ABCC8: variants seen among roughly 807,000 people sequenced by gnomAD.
ABCC8 encodes the protein ATP-binding cassette sub-family C member 8.
In ABCC8, 137 loss-of-function variants were observed where a neutral mutation model predicts 188.0. That is an observed-to-expected ratio of 0.73 (90% CI 0.63 to 0.84). The LOEUF (loss-of-function observed/expected upper bound fraction) is 0.84, where lower values mean the gene tolerates loss of function less well. Ranked by LOEUF, ABCC8 falls within the 40% of genes least tolerant of loss-of-function variation. ABCC8 has a pLI of 0.00. For synonymous variants in ABCC8, 797 were observed against 846.5 expected (o/e 0.94, Z 1.01); for missense variants, 1,750 against 2,072.7 (o/e 0.84, Z 3.02).
At position 17,432,184 on chromosome 11, in the gene ABCC8, T is replaced by C. The variant is rs1955879275; in HGVS notation, c.1671+20A>G. 2 of 1,551,556 alleles carry C rather than the reference T, an allele frequency of 1.3e-6. No individual in the cohort carries two copies. The highest frequency in any genetic ancestry group is 1.7e-6 in the Non-Finnish European group (2 of 1,146,952). On this transcript the variant is annotated intron_variant, in intron 11 of 38. Transcript: ENST00000389817. ...CCCCCTCCACCCTACCCCCAAGAGATGGAGAAAGGATCCACTTACTATGAG... is the reference window on the plus strand; with the variant it reads ...CCCCCTCCACCCTACCCCCAAGAGACGGAGAAAGGATCCACTTACTATGAG...
At chr11:17,426,266 C>A (rs1052756155) in intron 16 of ABCC8, among the ~76,000 whole-genome samples, 2 of 152,206 alleles carry the variant, frequency 1.3e-5, no homozygotes, top group Non-Finnish European at 2.9e-5. Flanking sequence ...ACCGCACTGT[C>A]TTCCACAATG....
chr11:17,417,046 G>A (rs1474039939), intron 16 of ABCC8, 84 bp from the exon 17 acceptor site: 11 of 1,598,864 alleles, frequency 6.9e-6, no homozygotes, highest in Admixed American at 1.7e-5. Flanking sequence ...TAGGGGAGAA[G>A]CAATCCCCAC....
chr11:17,410,790 CA>C, intron 21 of ABCC8, 137 bp from the exon 22 acceptor site: 1 of 1,381,930 alleles, frequency 7.2e-7, no homozygotes, highest in Non-Finnish European at 9.9e-7. Context: ...TGGCTTTGGA[CA>C]ACTCACCCAA....
At chr11:17,452,659 C>T (rs916593130) in intron 7 of ABCC8, among the ~76,000 whole-genome samples, 2 of 152,196 alleles carry the variant, frequency 1.3e-5, no homozygotes, top group African/African-American at 4.8e-5. Context: ...GACCAATACC[C>T]CATCTTAGAG....
At chr11:17,451,390 T>G (rs1025127224) in intron 7 of ABCC8, among the ~76,000 whole-genome samples, 3 of 152,228 alleles carry the variant, frequency 2.0e-5, no homozygotes, top group African/African-American at 7.2e-5. Context: ...ATGACATCCC[T>G]GAGGAAATAC....
chr11:17,426,959 C>A, intron 16 of ABCC8, 90 bp downstream of exon 16: 1 of 1,438,582 alleles, frequency 7.0e-7, no homozygotes, highest in Non-Finnish European at 9.5e-7. Flanking sequence ...ACAGAGTGGG[C>A]CCTCCAATAA....
intron 12 of ABCC8, chr11:17,430,562 TA>T (rs1955799996): frequency 7.7e-6 from 4 of 519,454 alleles, no homozygotes; most frequent in African/African-American, 1.9e-5. Context: ...TTTTTTTTTT[TA>T]AGTTGTCGTG....
At position 17,407,058 on chromosome 11, in the gene ABCC8, G is replaced by A. The variant is rs769518471; in HGVS notation, c.2992C>T (p.Arg998Ter). Residue 998 changes from arginine to a stop codon, truncating the protein, a stop_gained, in exon 25 of 39, where the codon CGA becomes TGA. Transcript: ENST00000389817. LOFTEE classifies it high-confidence loss of function. ...GAGGACAGGTACTTGGCGCAGGCTC[G>A]CCATGGGATCTCAGCACGCTGGTGC... Reference protein sequence around the residue: ...MLHQRAEIPWRACAKYLSSAG... With the variant: ...MLHQRAEIPW The A allele has an allele frequency of 8.1e-6, 13 of 1,613,948 alleles. No individual in the cohort carries two copies. Among genetic ancestry groups the A allele is most frequent in the East Asian group, 4.5e-5 (2 of 44,896 alleles).
At position 17,405,487 on chromosome 11, in the gene ABCC8, T is replaced by C; in HGVS notation, c.3399+7A>G. ...AAGGGGGGATAGTGTGGCACGGTCC[T>C]CTGTACCTGGTCGATGGTGTTACAG... is the stretch of plus-strand genomic sequence containing the variant. On this transcript the variant is annotated splice_region_variant and intron_variant, in intron 27 of 38. Coordinates refer to ENST00000389817, the MANE Select transcript of ABCC8 (RefSeq NM_000352.6). 6.2e-7 allele frequency: 1 copy of C among 1,614,228 alleles called. No individual in the cohort carries two copies. Among genetic ancestry groups the C allele is most frequent in the South Asian group, 1.1e-5 (1 of 91,086 alleles).
chr11:17,454,061 AT>A (rs1956907565), intron 6 of ABCC8, among the ~76,000 whole-genome samples: 1 of 152,168 alleles, frequency 6.6e-6, no homozygotes. Flanking sequence ...CCACATCAAT[AT>A]TTCCATGAAG....
intron 29 of ABCC8, among the ~76,000 whole-genome samples, chr11:17,400,855 A>G (rs1954205042): frequency 1.3e-5 from 2 of 152,248 alleles, no homozygotes; most frequent in South Asian, 2.1e-4. Flanking sequence ...TACAACACTT[A>G]GCACGGTGCC....
chr11:17,446,284 G>T (rs1188400155), intron 8 of ABCC8, among the ~76,000 whole-genome samples: 1 of 152,134 alleles, frequency 6.6e-6, no homozygotes, highest in East Asian at 1.9e-4. Context: ...CTTACAAACT[G>T]CTTGTTCAAG....
intron 21 of ABCC8, among the ~76,000 whole-genome samples, chr11:17,411,375 C>T (rs959529796): frequency 5.9e-5 from 9 of 152,250 alleles, no homozygotes; most frequent in East Asian, 3.8e-4. Flanking sequence ...GTCCACTTCA[C>T]TTTTCTCTAG....
chr11:17,432,972 T>G (rs1955915151), intron 10 of ABCC8, among the ~76,000 whole-genome samples: 1 of 152,136 alleles, frequency 6.6e-6, no homozygotes, highest in Non-Finnish European at 1.5e-5. Context: ...CTCATATGAT[T>G]TTTGTAAACT....
At position 17,463,522 on chromosome 11, in the gene ABCC8, C is replaced by T. The variant is rs369136858; in HGVS notation, c.495G>A (p.Ser165=). ...VKFLDHAIGF[S]QLRFCLTGLL... is the part of the protein sequence containing the mutation. The stretch of plus-strand genomic sequence containing the variant: ...GCCCTGTGAGGCAGAAGCGTAGCTG[C>T]GAGAAGCCGATGGCGTGGTCCAAGA... The change falls in exon 4 of 39, where the codon TCG becomes TCA. Residue 165 remains serine, a synonymous_variant. Coordinates refer to ENST00000389817, the MANE Select transcript of ABCC8 (RefSeq NM_000352.6). 3.0e-5 allele frequency: 48 copies of T among 1,598,734 alleles called. No individual in the cohort carries two copies. The highest frequency in any genetic ancestry group is 2.8e-4 in the Admixed American group (16 of 57,550).
intron 8 of ABCC8, among the ~76,000 whole-genome samples, chr11:17,446,300 A>G (rs1172934204): frequency 1.3e-5 from 2 of 152,152 alleles, no homozygotes; most frequent in African/African-American, 4.8e-5. Flanking sequence ...TCAAGGGGAC[A>G]CAACAGAAAG....
chr11:17,439,862 C>G (rs1956245507), intron 10 of ABCC8, among the ~76,000 whole-genome samples: 1 of 152,144 alleles, frequency 6.6e-6, no homozygotes, highest in South Asian at 2.1e-4. Context: ...ACAACATATC[C>G]CTAGGTCCTC....
chr11:17,428,208 T>C lies in ABCC8; in HGVS notation c.2040+81A>G, dbSNP rs1055590164. On this transcript the variant is annotated intron_variant, in intron 14 of 38. Coordinates refer to ENST00000389817, the MANE Select transcript of ABCC8 (RefSeq NM_000352.6). ...GGTGACCTCTGCAGAGGACTAAGCA[T>C]GCAGCTTTCTGGCTTTCCAGGTGCT... 68 of 1,601,096 alleles carry C rather than the reference T, an allele frequency of 4.2e-5. 1 individual carries two copies. In the Admixed American group the frequency reaches 1.1e-3, roughly 25 times the overall value.
intron 3 of ABCC8, among the ~76,000 whole-genome samples, chr11:17,464,801 T>C (rs1054217816): frequency 2.0e-5 from 3 of 152,208 alleles, no homozygotes; most frequent in African/African-American, 7.2e-5. Flanking sequence ...ATTTTAGCAC[T>C]GGCAGCTCCT....
Sources: gnomAD v4.1 joint callset for allele counts (sites outside exome capture counted in the v4.1 genomes callset) on GRCh38, gnomAD v4.1.1 for gene constraint, MANE v1.5 for transcripts, NCBI Gene and HGNC (gene_info 2026-07-23, HGNC 2026-07-21) for gene names.